Variants in PDE8B observed in about 807,000 individuals in gnomAD.
PDE8B encodes high affinity cAMP-specific and IBMX-insensitive 3',5'-cyclic phosphodiesterase 8B.
Under a neutral mutation model 101.3 loss-of-function variants are expected in PDE8B, and 26 were observed. That is an observed-to-expected ratio of 0.26 (90% confidence interval 0.19 to 0.36). The LOEUF is 0.36. Ranked by LOEUF, PDE8B falls within the 10% of genes least tolerant of loss-of-function variation. PDE8B has a pLI of 1.00. For missense variants in PDE8B, 810 were observed against 1,163.1 expected (o/e 0.70, Z 4.42); for synonymous variants, 424 against 429.3 (o/e 0.99, Z 0.15).
At chr5:77,232,404 A>G (rs1024384420) in intron 1 of PDE8B, among the ~76,000 whole-genome samples, 1 of 152,176 alleles carries the variant, frequency 6.6e-6, no homozygotes, top group Non-Finnish European at 1.5e-5. Context: ...TCTTTTCTAG[A>G]TAGGGGCATA....
At chr5:77,280,152 T>C (rs1764668143) in intron 1 of PDE8B, among the ~76,000 whole-genome samples, 3 of 152,216 alleles carry the variant, frequency 2.0e-5, no homozygotes, top group Admixed American at 1.3e-4. Context: ...CCTGGGCTCT[T>C]TATCTTCTGA....
intron 1 of PDE8B, among the ~76,000 whole-genome samples, chr5:77,273,773 A>T (rs907510040): frequency 2.0e-5 from 3 of 152,116 alleles, no homozygotes; most frequent in Admixed American, 6.5e-5. Flanking sequence ...CAATGGTGAA[A>T]AGAGAGAACT....
intron 1 of PDE8B, among the ~76,000 whole-genome samples, chr5:77,240,167 GT>G: frequency 6.6e-6 from 1 of 151,208 alleles, no homozygotes; most frequent in Admixed American, 6.6e-5. Flanking sequence ...GTTTTGTTTT[GT>G]TTTGAGATGG....
intron 10 of PDE8B, among the ~76,000 whole-genome samples, chr5:77,383,590 C>A (rs1787949155): frequency 6.6e-6 from 1 of 152,188 alleles, no homozygotes; most frequent in South Asian, 2.1e-4. Context: ...CCTAGGTTTT[C>A]TTCCAGGGTT....
At chr5:77,171,505 G>C in the PDE8B span, among the ~76,000 whole-genome samples, 1 of 152,182 alleles carries the variant, frequency 6.6e-6, no homozygotes, top group South Asian at 2.1e-4. Flanking sequence ...ATATCAATCT[G>C]TGTATGCTGG....
At chr5:77,383,248 G>T (rs568224155) in intron 10 of PDE8B, among the ~76,000 whole-genome samples, 1 of 152,328 alleles carries the variant, frequency 6.6e-6, no homozygotes, top group South Asian at 2.1e-4. Context: ...TTTGAGAAGT[G>T]TCTGTTCATA....
At chr5:77,326,167 G>C (rs1279163956) in intron 3 of PDE8B, among the ~76,000 whole-genome samples, 2 of 152,162 alleles carry the variant, frequency 1.3e-5, no homozygotes, top group African/African-American at 4.8e-5. Context: ...CCCATAGCAG[G>C]CTTCCCAGTC....
intron 1 of PDE8B, among the ~76,000 whole-genome samples, chr5:77,274,059 T>C (rs1039166908): frequency 6.6e-6 from 1 of 152,080 alleles, no homozygotes; most frequent in Admixed American, 6.6e-5. Flanking sequence ...CGACCTCAGG[T>C]GATCTGCCTG....
chr5:77,250,694 A>G lies in PDE8B; in HGVS notation c.339+39430A>G, dbSNP rs78387401. On this transcript the variant is annotated intron_variant, in intron 1 of 21. Transcript: ENST00000264917. ...GGTGTGGGGAGGTCTCAGTCTCTCTATAGCTTTGGATGATCTGAAATTGTC... is the reference window on the plus strand; with the variant it reads ...GGTGTGGGGAGGTCTCAGTCTCTCTGTAGCTTTGGATGATCTGAAATTGTC... Among the ~76,000 whole-genome samples the G allele has an allele frequency of 3.5e-3, 533 of 152,216 alleles. 1 individual carries two copies. The highest frequency in any genetic ancestry group is 0.012 in the African/African-American group (505 of 41,502).
intron 6 of PDE8B, among the ~76,000 whole-genome samples, chr5:77,340,543 CTT>C (rs2150360987): frequency 6.6e-6 from 1 of 152,044 alleles, no homozygotes; most frequent in Non-Finnish European, 1.5e-5. Flanking sequence ...TGTTCAGAAT[CTT>C]TTCCCTACAA....
intron 1 of PDE8B, among the ~76,000 whole-genome samples, chr5:77,236,457 A>G (rs1044898401): frequency 6.6e-6 from 1 of 152,252 alleles, no homozygotes; most frequent in African/African-American, 2.4e-5. Flanking sequence ...AAGAATGAGT[A>G]GCCACTGAAT....
At chr5:77,340,198 T>C (rs981056401) in intron 6 of PDE8B, among the ~76,000 whole-genome samples, 1 of 152,228 alleles carries the variant, frequency 6.6e-6, no homozygotes, top group African/African-American at 2.4e-5. Flanking sequence ...TACATCCAAG[T>C]CATTATGTTT....
intron 1 of PDE8B, among the ~76,000 whole-genome samples, chr5:77,229,053 G>T (rs1752996517): frequency 6.6e-6 from 1 of 152,178 alleles, no homozygotes; most frequent in Non-Finnish European, 1.5e-5. Context: ...AGAGGGAAAG[G>T]AAAGGATGGA....
In PDE8B at chr5:77,270,501, C is replaced by G. The variant is rs749478248; in HGVS notation, c.340-41493C>G. Among the ~76,000 whole-genome samples the G allele has an allele frequency of 1.3e-4, 20 of 152,240 alleles. 1 individual carries two copies. The East Asian group carries it at 2.9e-3, about 22-fold the overall frequency. ...GGTAATTCCCCATATTCCCTCTTAC[C>G]GTTCACTTCTGCCTCTGCTTTGTGC... On this transcript the variant is annotated intron_variant, in intron 1 of 21. Coordinates refer to ENST00000264917, the MANE Select transcript of PDE8B (RefSeq NM_003719.5).
At chr5:77,336,359 T>C (rs945750115) in intron 5 of PDE8B, among the ~76,000 whole-genome samples, 1 of 152,188 alleles carries the variant, frequency 6.6e-6, no homozygotes, top group Non-Finnish European at 1.5e-5. Context: ...CATTCCCAAA[T>C]GTGTTCCCAT....
At chr5:77,367,109 G>T (rs1483950151) in intron 10 of PDE8B, among the ~76,000 whole-genome samples, 1 of 151,934 alleles carries the variant, frequency 6.6e-6, no homozygotes, top group Non-Finnish European at 1.5e-5. Context: ...ACTGTTATTT[G>T]TAAACTTAGA....
At chr5:77,166,283 G>T in the PDE8B span, among the ~76,000 whole-genome samples, 2 of 136,360 alleles carry the variant, frequency 1.5e-5, no homozygotes, top group African/African-American at 5.6e-5. Flanking sequence ...TGTGGTCAAA[G>T]AAACACATCT....
the PDE8B span, among the ~76,000 whole-genome samples, chr5:77,187,475 G>GA: frequency 2.4e-3 from 354 of 149,824 alleles, 1 homozygote; most frequent in African/African-American, 7.0e-3. Context: ...ATCTATAGAT[G>GA]AAAAAAAAAA....
intron 1 of PDE8B, among the ~76,000 whole-genome samples, chr5:77,268,361 C>A (rs1246954650): frequency 6.6e-6 from 1 of 151,980 alleles, no homozygotes; most frequent in Non-Finnish European, 1.5e-5. Context: ...ACAAACAACC[C>A]AATTATGTTC....
Sources: allele counts gnomAD v4.1 joint callset (sites outside exome capture counted in the v4.1 genomes callset), GRCh38; gene constraint gnomAD v4.1.1; transcripts MANE v1.5; gene names NCBI Gene and HGNC (gene_info 2026-07-23, HGNC 2026-07-21).